The following SFT2D1 variants were observed in gnomAD, a reference collection of about 807,000 sequenced individuals.
The protein encoded by SFT2D1 is vesicle transport protein SFT2A.
A neutral mutation model predicts 28.1 loss-of-function variants in SFT2D1; 24 were observed. That is an observed-to-expected ratio of 0.85 (90% confidence interval 0.62 to 1.20). The LOEUF (loss-of-function observed/expected upper bound fraction) is 1.20, where lower values mean the gene tolerates loss of function less well. Ranked by LOEUF, SFT2D1 falls within the 50% of genes most tolerant of loss-of-function variation. SFT2D1 has a pLI of 0.00. For synonymous variants in SFT2D1, 82 were observed against 73.7 expected, an observed-to-expected ratio of 1.11 and a Z score of -0.58; for missense variants, 181 against 190.9, an observed-to-expected ratio of 0.95 and a Z score of 0.31.
chr6:166,331,786 G>T (rs1778556842), intron 1 of SFT2D1, among the ~76,000 whole-genome samples: 1 of 152,156 alleles, frequency 6.6e-6, no homozygotes, highest in Non-Finnish European at 1.5e-5. Context: ...CACAATAAAT[G>T]TATATAACTT....
chr6:166,332,774 C>G (rs1313439574), intron 1 of SFT2D1, among the ~76,000 whole-genome samples: 1 of 152,240 alleles, frequency 6.6e-6, no homozygotes, highest in African/African-American at 2.4e-5. Context: ...GGCTGCTCCC[C>G]TATTCCCGCC....
intron 6 of SFT2D1, 72 bp downstream of exon 6, chr6:166,324,465 A>T: frequency 6.8e-7 from 1 of 1,462,050 alleles, no homozygotes; most frequent in Non-Finnish European, 9.5e-7. Context: ...CTAGGGCTTC[A>T]CAGGTCCCAA....
chr6:166,321,012 G>A (rs1341258528), intron 7 of SFT2D1, among the ~76,000 whole-genome samples: 3 of 152,098 alleles, frequency 2.0e-5, no homozygotes, highest in South Asian at 2.1e-4. Flanking sequence ...TCAGGAGGCT[G>A]AGCCAGGAGA....
chr6:166,338,967 C>T (rs1403937349), intron 1 of SFT2D1, among the ~76,000 whole-genome samples: 3 of 152,076 alleles, frequency 2.0e-5, no homozygotes, highest in South Asian at 2.1e-4. Flanking sequence ...TTCACTGCCT[C>T]GCCCAACTCC....
chr6:166,320,747 G>A (rs541078553), intron 7 of SFT2D1, among the ~76,000 whole-genome samples: 58 of 150,088 alleles, frequency 3.9e-4, no homozygotes, highest in Non-Finnish European at 6.8e-4. Flanking sequence ...AAACTCCTGC[G>A]CTCAAGCCAT....
intron 1 of SFT2D1, chr6:166,335,546 A>T (rs1158958184): frequency 2.3e-5 from 10 of 439,740 alleles, no homozygotes; most frequent in Non-Finnish European, 4.4e-5. Context: ...CACTGGCAGA[A>T]GATTTTAACC....
At chr6:166,320,399 G>A in intron 7 of SFT2D1, 143 bp from the exon 8 acceptor site, 1 of 643,500 alleles carries the variant, frequency 1.6e-6, no homozygotes, top group Non-Finnish European at 2.6e-6. Flanking sequence ...ACTTTGTTCA[G>A]TATCATTTAA....
At chr6:166,340,512 G>GC (rs1778757441) in intron 1 of SFT2D1, among the ~76,000 whole-genome samples, 1 of 152,058 alleles carries the variant, frequency 6.6e-6, no homozygotes, top group Non-Finnish European at 1.5e-5. Context: ...CTCCTTACTG[G>GC]CCCTGAACAT....
At chr6:166,332,795 C>T (rs1778575017) in intron 1 of SFT2D1, among the ~76,000 whole-genome samples, 4 of 152,238 alleles carry the variant, frequency 2.6e-5, no homozygotes, top group Admixed American at 1.3e-4. Context: ...ACAGTAAGCA[C>T]AGCACTGCTT....
At chr6:166,327,622 C>G (rs1420442761) in intron 4 of SFT2D1, among the ~76,000 whole-genome samples, 1 of 152,058 alleles carries the variant, frequency 6.6e-6, no homozygotes, top group Admixed American at 6.5e-5. Context: ...CTAAAGGGTA[C>G]AAACTAACAA....
chr6:166,342,170 T>C lies in SFT2D1; in HGVS notation c.63+249A>G, dbSNP rs1430234332. Among the ~76,000 whole-genome samples the C allele has an allele frequency of 3.3e-5, 5 of 151,798 alleles. No homozygotes were observed. In the East Asian group the frequency reaches 9.7e-4, roughly 29 times the overall value. On this transcript the variant is annotated intron_variant, in intron 1 of 7. Transcript: ENST00000361731. ...GAAAGCGAGGGCAGACGTTAGCGGATTCCTAAGTCAGAAGGCCAGATGGGA... is the reference window on the plus strand; with the variant it reads ...GAAAGCGAGGGCAGACGTTAGCGGACTCCTAAGTCAGAAGGCCAGATGGGA...
At chr6:166,327,951 C>A (rs1778480818) in intron 4 of SFT2D1, among the ~76,000 whole-genome samples, 1 of 152,214 alleles carries the variant, frequency 6.6e-6, no homozygotes, top group Non-Finnish European at 1.5e-5. Flanking sequence ...GTGCATGCCA[C>A]CTCACCGGGC....
intron 1 of SFT2D1, among the ~76,000 whole-genome samples, chr6:166,336,470 T>C (rs1044745004): frequency 6.6e-6 from 1 of 152,194 alleles, no homozygotes; most frequent in Non-Finnish European, 1.5e-5. Flanking sequence ...TTTAATTCTC[T>C]TAAAAAAACA....
At chr6:166,334,945 T>C in intron 1 of SFT2D1, 1 of 461,594 alleles carries the variant, frequency 2.2e-6, no homozygotes, top group South Asian at 1.8e-5. Flanking sequence ...GCCTAAGAGA[T>C]CTTGAACAGT....
intron 1 of SFT2D1, among the ~76,000 whole-genome samples, chr6:166,340,951 G>T (rs1778768206): frequency 6.6e-6 from 1 of 152,114 alleles, no homozygotes; most frequent in African/African-American, 2.4e-5. Context: ...TCTAGACAGT[G>T]GGCTCAAGAT....
At chr6:166,327,207 C>G (rs149277043) in intron 4 of SFT2D1, among the ~76,000 whole-genome samples, 2 of 152,112 alleles carry the variant, frequency 1.3e-5, no homozygotes, top group Non-Finnish European at 2.9e-5. Flanking sequence ...CATTTAAATT[C>G]TTTAAATATC....
intron 1 of SFT2D1, among the ~76,000 whole-genome samples, chr6:166,336,278 T>C (rs9348120): frequency 1.3e-5 from 2 of 152,302 alleles, no homozygotes; most frequent in East Asian, 3.9e-4. Flanking sequence ...ACAGTTACTG[T>C]TGTGACCTGA....
At chr6:166,330,882 A>G (rs774435282) in intron 1 of SFT2D1, among the ~76,000 whole-genome samples, 5 of 152,236 alleles carry the variant, frequency 3.3e-5, no homozygotes, top group African/African-American at 1.2e-4. Flanking sequence ...CAGCCTGAGC[A>G]GCCCCAGCAG....
intron 1 of SFT2D1, among the ~76,000 whole-genome samples, chr6:166,337,649 A>G (rs978568586): frequency 2.0e-5 from 3 of 152,212 alleles, no homozygotes; most frequent in African/African-American, 7.2e-5. Context: ...TATACTTACA[A>G]TCTTCTAAGT....
Sources: gnomAD v4.1 joint callset for allele counts (sites outside exome capture counted in the v4.1 genomes callset) on GRCh38, gnomAD v4.1.1 for gene constraint, MANE v1.5 for transcripts, NCBI Gene and HGNC (gene_info 2026-07-23, HGNC 2026-07-21) for gene names.